Variants in C1orf116 observed in about 807,000 individuals in gnomAD.
The protein encoded by C1orf116 is chromosome 1 open reading frame 116, also known as specifically androgen-regulated gene protein.
In C1orf116, 12 loss-of-function variants were observed where a neutral mutation model predicts 14.1. That is an observed-to-expected ratio of 0.85 (90% CI 0.54 to 1.38). The LOEUF (loss-of-function observed/expected upper bound fraction) is 1.38, where lower values mean the gene tolerates loss of function less well. Ranked by LOEUF, C1orf116 falls within the 40% of genes most tolerant of loss-of-function variation. The pLI is 0.00. For synonymous variants in C1orf116, 296 were observed against 299.0 expected (o/e 0.99, Z 0.10); for missense variants, 797 against 747.0 (o/e 1.07, Z -0.78).
rs1330484172 is a variant in C1orf116, at chr1:207,027,489, C to T, written c.105+5G>A. On this transcript the variant is annotated splice_donor_5th_base_variant and intron_variant, in intron 2 of 3. Coordinates refer to ENST00000359470, the MANE Select transcript of C1orf116 (RefSeq NM_023938.6). ...CCAGGTTGCGGGAGGGAGAGTATTA[C>T]GTACAGATCCAGAGCGGGTGGAGGT... The T allele has an allele frequency of 9.3e-6, 15 of 1,613,728 alleles. No homozygotes were observed. The highest frequency in any genetic ancestry group is 2.2e-5 in the East Asian group (1 of 44,882).
At chr1:207,026,627 T>C (rs1682082023) in intron 2 of C1orf116, among the ~76,000 whole-genome samples, 1 of 152,222 alleles carries the variant, frequency 6.6e-6, no homozygotes, top group Non-Finnish European at 1.5e-5. Context: ...ATCTTGACAT[T>C]CAGTAGACAC....
Position 207,021,881 on chromosome 1 carries a change from G to A in C1orf116, c.*77C>T, listed in dbSNP as rs899956601. 34 of 1,408,298 alleles carry A rather than the reference G, an allele frequency of 2.4e-5. No individual in the cohort carries two copies. Among genetic ancestry groups the A allele is most frequent in the African/African-American group, 2.0e-4 (14 of 69,826 alleles). 87.2% of individuals were successfully genotyped at this position (1,408,298 alleles called of 1,614,324 possible). On this transcript the variant is annotated 3_prime_UTR_variant, in exon 4 of 4. Transcript: ENST00000359470. ...CCATTCATCTTGAGCCCTGAGTTGC[G>A]TGGTGGCAAAGGCTCCCAAGTGGAG... is the stretch of plus-strand genomic sequence containing the variant.
chr1:207,023,204 TG>T lies in C1orf116; in HGVS notation c.559del (p.Gln187ArgfsTer104). 6.2e-7 allele frequency: 1 copy of T among 1,609,448 alleles called. No homozygotes were observed. Among genetic ancestry groups the T allele is most frequent in the Admixed American group, 1.7e-5 (1 of 59,664 alleles). ...SQPRQAPASPQEAALDLDVVL... is the reference protein window; with the variant it reads ...SQPRQAPASPXEAALDLDVVL... ...CACGTCCAAGTCAAGGGCAGCCTCC[TG>T]GGGGCTGGCAGGTGCCTGCCTGGGT... On this transcript the variant is annotated frameshift_variant, in exon 4 of 4. Coordinates refer to ENST00000359470, the MANE Select transcript of C1orf116 (RefSeq NM_023938.6). LOFTEE classifies it low-confidence loss of function (END_TRUNC).
At chr1:207,031,995 C>T (rs566626765) in intron 1 of C1orf116, among the ~76,000 whole-genome samples, 41 of 152,314 alleles carry the variant, frequency 2.7e-4, no homozygotes, top group African/African-American at 8.7e-4. Flanking sequence ...CTGAAGTTTT[C>T]TCCATGTGCC....
chr1:207,023,271 C>T lies in C1orf116; in HGVS notation c.493G>A (p.Ala165Thr). 1 of 1,613,884 alleles carries T rather than the reference C, an allele frequency of 6.2e-7. No individual in the cohort carries two copies. Among genetic ancestry groups the T allele is most frequent in the East Asian group, 2.2e-5 (1 of 44,886 alleles). Residue 165 changes from alanine to threonine, a missense_variant, in exon 4 of 4, where the codon GCG (alanine) becomes ACG (threonine). Ala to Thr is a moderately conservative substitution (Grantham distance 58). Coordinates refer to ENST00000359470, the MANE Select transcript of C1orf116 (RefSeq NM_023938.6). ...SHNPGEPGRL[A>T]PEPEKEQVSQ... Reference sequence around the variant, plus strand: ...ACCTGTTCTTTCTCAGGCTCTGGCGCAAGCCTCCCCGGTTCTCCAGGGTTG... The same window carrying T: ...ACCTGTTCTTTCTCAGGCTCTGGCGTAAGCCTCCCCGGTTCTCCAGGGTTG...
rs1681858627 is a variant in C1orf116, at chr1:207,021,817, C to T, written c.*141G>A. 2 of 789,838 alleles carry T rather than the reference C, an allele frequency of 2.5e-6. No homozygotes were observed. Among genetic ancestry groups the T allele is most frequent in the South Asian group, 2.7e-5 (1 of 36,822 alleles). The allele number at this position is 789,838 out of a possible 1,614,324, so 48.9% of individuals were successfully genotyped here. A position where few individuals can be genotyped will look rare whatever the true frequency, so the allele number is the denominator to read the frequency against. On this transcript the variant is annotated 3_prime_UTR_variant, in exon 4 of 4. Coordinates refer to ENST00000359470, the MANE Select transcript of C1orf116 (RefSeq NM_023938.6). ...CACATGGGAACTCAATGGCACAACACTGAATATAAATGTATGCTTGGACTC... is the reference window on the plus strand; with the variant it reads ...CACATGGGAACTCAATGGCACAACATTGAATATAAATGTATGCTTGGACTC...
In C1orf116 at chr1:207,022,183, C is replaced by T; in HGVS notation, c.1581G>A (p.Arg527=). Residue 527 remains arginine, a synonymous_variant, in exon 4 of 4, where the codon CGG becomes CGA. Transcript: ENST00000359470. ...CCGTGCCCAGGGAGGCCGGGCGGGGCCGAGAATTACGTAAGACACTGGGCG... is the reference window on the plus strand; with the variant it reads ...CCGTGCCCAGGGAGGCCGGGCGGGGTCGAGAATTACGTAAGACACTGGGCG... ...KISPSVLRNS[R]PRPASLGTGK... is the part of the protein sequence containing the mutation. The T allele has an allele frequency of 6.2e-7, 1 of 1,613,706 alleles. No homozygotes were observed.
rs747392389 is a variant in C1orf116, at chr1:207,022,955, G to A, written c.809C>T (p.Pro270Leu). 1 of 1,614,028 alleles carries A rather than the reference G, an allele frequency of 6.2e-7. No individual in the cohort carries two copies. Among genetic ancestry groups the A allele is most frequent in the South Asian group, 1.1e-5 (1 of 91,084 alleles). Reference sequence around the variant, plus strand: ...AGCATCTTCAGCTCTTGCATTCTGAGGCAACCCTGCAGGAGGAGGCTGGGG... The same window carrying A: ...AGCATCTTCAGCTCTTGCATTCTGAAGCAACCCTGCAGGAGGAGGCTGGGG... ...TQPQPPPAGLPQNARAEDAPL... is the reference protein window; with the variant it reads ...TQPQPPPAGLLQNARAEDAPL... Residue 270 changes from proline (P) to leucine (L), a missense_variant, in exon 4 of 4, where the codon CCT (proline) becomes CTT (leucine). Transcript: ENST00000359470.
rs565510495 is a variant in C1orf116, at chr1:207,024,954, G to T, written c.216C>A (p.Asp72Glu). 1 of 1,614,074 alleles carries T rather than the reference G, an allele frequency of 6.2e-7. No individual in the cohort carries two copies. Residue 72 changes from aspartate (D) to glutamate (E), a missense_variant, in exon 3 of 4, where the codon GAC becomes GAA. By Grantham distance (45) the Asp-to-Glu change is conservative. Transcript: ENST00000359470. ...TGGGAGTTGTGGCTGGCTCAGACTC[G>T]TCAGTGGACAGTCCGCTGTCAGCCT... Reference protein sequence around the residue: ...DTEADSGLSTDESEPATTPRG... With the variant: ...DTEADSGLSTEESEPATTPRG...
rs763528260 is a variant in C1orf116 at position 207,023,500 on chromosome 1, C to T, written c.284-20G>A. 4 of 1,573,608 alleles carry T rather than the reference C, an allele frequency of 2.5e-6. No homozygotes were observed. The highest frequency in any genetic ancestry group is 3.4e-6 in the Non-Finnish European group (4 of 1,162,058). On this transcript the variant is annotated intron_variant, in intron 3 of 3. Coordinates refer to ENST00000359470, the MANE Select transcript of C1orf116 (RefSeq NM_023938.6). The stretch of plus-strand genomic sequence containing the variant: ...GACCTCCTGTGAGGGTCAGAAAGAA[C>T]ATAAAAGAGTGGACAGAAAAAGAGT...
intron 1 of C1orf116, among the ~76,000 whole-genome samples, chr1:207,031,041 A>G (rs1682228061): frequency 6.6e-6 from 1 of 152,162 alleles, no homozygotes; most frequent in African/African-American, 2.4e-5. Context: ...GGTCCCTCTC[A>G]TCCTCCTCCC....
intron 3 of C1orf116, 100 bp downstream of exon 3, chr1:207,024,787 G>T: frequency 7.2e-7 from 1 of 1,391,488 alleles, no homozygotes; most frequent in Non-Finnish European, 1.0e-6. Context: ...TTCTGCCTGT[G>T]ACCCTTGGGG....
In C1orf116 at chr1:207,022,663, T is replaced by A. The variant is rs1428800520; in HGVS notation, c.1101A>T (p.Leu367Phe). The A allele has an allele frequency of 6.2e-7, 1 of 1,614,044 alleles. No homozygotes were observed. The change falls in exon 4 of 4, where the codon TTA becomes TTT. Residue 367 changes from leucine (L) to phenylalanine (F), a missense_variant. Coordinates refer to ENST00000359470, the MANE Select transcript of C1orf116 (RefSeq NM_023938.6). ...GTCTGATGGAGCTGGTGGGCTTACT[T>A]AAGTGGAGTCCAGGCTCATCTTGAT... is the stretch of plus-strand genomic sequence containing the variant. ...PQDQDEPGLH[L>F]SKPTSSIRPK...
chr1:207,022,494 G>C lies in C1orf116; in HGVS notation c.1270C>G (p.Pro424Ala). The change falls in exon 4 of 4, where the codon CCT becomes GCT. Residue 424 changes from proline to alanine, a missense_variant. Transcript: ENST00000359470. ...GGAGCTGGAGACTTCATTGGCAAAG[G>C]TCCCTGAGCTGGACCTGGAGCTGGA... ...PAPAPGPAQG[P>A]LPMKSPAPGN... The C allele has an allele frequency of 6.2e-7, 1 of 1,614,190 alleles. No homozygotes were observed. Among genetic ancestry groups the C allele is most frequent in the African/African-American group, 1.3e-5 (1 of 75,054 alleles).
At position 207,019,212 on chromosome 1, in the gene C1orf116, G is replaced by C. The variant is rs1404215840; in HGVS notation, c.*2746C>G. 6.6e-6 allele frequency: 1 copy of C among 152,280 alleles called. No individual in the cohort carries two copies. Among genetic ancestry groups the C allele is most frequent in the African/African-American group, 2.4e-5 (1 of 41,448 alleles). 9.4% of individuals were successfully genotyped at this position (152,280 alleles called of 1,614,324 possible). ...GCAGAGTCAGAGCACAGAATTCCAA[G>C]TGTAGCACAGGTGTGGCAATTCAGA... On this transcript the variant is annotated 3_prime_UTR_variant, in exon 4 of 4. Transcript: ENST00000359470.
intron 3 of C1orf116, 88 bp downstream of exon 3, chr1:207,024,799 A>G (rs1682019860): frequency 1.4e-6 from 2 of 1,455,398 alleles, no homozygotes; most frequent in African/African-American, 2.8e-5. Flanking sequence ...CCCTTGGGGT[A>G]GAGGGCAGGC....
chr1:207,032,234 T>C (rs766089054), intron 1 of C1orf116, among the ~76,000 whole-genome samples: 25 of 152,254 alleles, frequency 1.6e-4, no homozygotes, highest in Non-Finnish European at 7.3e-5. Context: ...ATTTCAACTG[T>C]TCTTTTCTAA....
In C1orf116 at chr1:207,027,540, C is replaced by A; in HGVS notation, c.59G>T (p.Gly20Val). Residue 20 changes from glycine (G) to valine (V), a missense_variant, in exon 2 of 4, where the codon GGC becomes GTC. Transcript: ENST00000359470. ...GTGSEPVTRVGSCDSMMSSTS... is the reference protein window; with the variant it reads ...GTGSEPVTRVVSCDSMMSSTS... The stretch of plus-strand genomic sequence containing the variant: ...GCTGCTCATCATGCTGTCACAGCTG[C>A]CGACACGGGTCACGGGTTCTGAGCC... 1 of 1,613,842 alleles carries A rather than the reference C, an allele frequency of 6.2e-7. No homozygotes were observed. The highest frequency in any genetic ancestry group is 8.5e-7 in the Non-Finnish European group (1 of 1,180,044).
Position 207,024,998 on chromosome 1 carries a change from T to G in C1orf116, c.172A>C (p.Ile58Leu). 1 of 1,609,956 alleles carries G rather than the reference T, an allele frequency of 6.2e-7. No homozygotes were observed. The highest frequency in any genetic ancestry group is 2.2e-5 in the East Asian group (1 of 44,562). ...TCAGCCTCCGTGTCCAGTGAGCCAATGGTCTCCTCCAGGAAGAGCAGACAC... is the reference window on the plus strand; with the variant it reads ...TCAGCCTCCGTGTCCAGTGAGCCAAGGGTCTCCTCCAGGAAGAGCAGACAC... The part of the protein sequence containing the change: ...KECLLFLEET[I>L]GSLDTEADSG... The change falls in exon 3 of 4, where the codon ATT becomes CTT. Residue 58 changes from isoleucine to leucine, a missense_variant. By Grantham distance (5) the Ile-to-Leu change is conservative. Transcript: ENST00000359470.
Sources: allele counts gnomAD v4.1 joint callset (sites outside exome capture counted in the v4.1 genomes callset), GRCh38; gene constraint gnomAD v4.1.1; transcripts MANE v1.5; gene names NCBI Gene and HGNC (gene_info 2026-07-23, HGNC 2026-07-21).